Variants in PTPRT observed in about 807,000 individuals in gnomAD.
PTPRT encodes receptor-type tyrosine-protein phosphatase T.
In PTPRT, 56 loss-of-function variants were observed where a neutral mutation model predicts 176.8. The ratio of observed to expected loss-of-function variants is 0.32; its 90% CI spans 0.26 to 0.40. The LOEUF (loss-of-function observed/expected upper bound fraction) is 0.40. Among genes scored for constraint, PTPRT ranks in the 10% least tolerant of loss-of-function variants. The probability of loss-of-function intolerance (pLI) is 1.00; values close to 1 mark genes in which losing one functional copy is unlikely to be tolerated. For synonymous variants in PTPRT, 783 were observed against 739.0 expected, an observed-to-expected ratio of 1.06 and a Z score of -0.96; for missense variants, 1,540 against 1,908.2, an observed-to-expected ratio of 0.81 and a Z score of 3.60.
chr20:42,604,373 G>A (rs1038000650), intron 7 of PTPRT, among the ~76,000 whole-genome samples: 1 of 152,166 alleles, frequency 6.6e-6, no homozygotes, highest in Non-Finnish European at 1.5e-5. Context: ...AGATGGTGGG[G>A]CCATGCGATC....
intron 1 of PTPRT, among the ~76,000 whole-genome samples, chr20:43,160,408 G>T (rs549746703): frequency 6.6e-6 from 1 of 152,320 alleles, no homozygotes; most frequent in East Asian, 1.9e-4. Flanking sequence ...CATCCAAAGA[G>T]GTGCTTGCTG....
intron 22 of PTPRT, 106 bp from the exon 23 acceptor site, chr20:42,110,593 A>G (rs1484090209): frequency 1.6e-6 from 2 of 1,256,998 alleles, no homozygotes; most frequent in African/African-American, 1.5e-5. Context: ...CCGCAGGGAC[A>G]GGGCCCTCAC....
intron 11 of PTPRT, among the ~76,000 whole-genome samples, chr20:42,321,938 T>G (rs2057804116): frequency 6.6e-6 from 1 of 152,032 alleles, no homozygotes; most frequent in Non-Finnish European, 1.5e-5. Flanking sequence ...CCAGGCGCAG[T>G]GGTGGGCGCC....
intron 8 of PTPRT, among the ~76,000 whole-genome samples, chr20:42,451,421 G>C (rs2070824654): frequency 6.6e-6 from 1 of 152,160 alleles, no homozygotes; most frequent in African/African-American, 2.4e-5. Flanking sequence ...TGGCAATGCT[G>C]AGTAGCAGTT....
At chr20:42,923,074 C>A (rs1600560324) in intron 1 of PTPRT, among the ~76,000 whole-genome samples, 1 of 152,140 alleles carries the variant, frequency 6.6e-6, no homozygotes, top group Non-Finnish European at 1.5e-5. Flanking sequence ...GGCCCTTCAG[C>A]ACTCCACCCC....
At chr20:42,382,114 C>T (rs1302685220) in intron 9 of PTPRT, among the ~76,000 whole-genome samples, 1 of 152,164 alleles carries the variant, frequency 6.6e-6, no homozygotes, top group Non-Finnish European at 1.5e-5. Context: ...AAGCTTTGCA[C>T]CCCATTTACA....
Position 43,189,854 on chromosome 20 carries a change from CG to C in PTPRT, c.-122del. 3.1e-6 allele frequency: 1 copy of C among 325,992 alleles called. No homozygotes were observed. The highest frequency in any genetic ancestry group is 4.3e-6 in the Non-Finnish European group (1 of 233,954). The allele number at this position is 325,992 out of a possible 1,614,324, so 20.2% of individuals were successfully genotyped here. ...GGCTGTGCGCGCGGCTGGCTCCGCTCGGGCTCCCGGAGCCGGCGCTCCTGCG... is the reference window on the plus strand; with the variant it reads ...GGCTGTGCGCGCGGCTGGCTCCGCTCGGCTCCCGGAGCCGGCGCTCCTGCG... On this transcript the variant is annotated 5_prime_UTR_variant, in exon 1 of 31. Coordinates refer to ENST00000373187, the MANE Select transcript of PTPRT (RefSeq NM_007050.6). This position sits in a 1 kb window ranked among gnomAD's most constrained non-coding sequence, Gnocchi z 5.0.
At chr20:42,407,562 T>C (rs1052755947) in intron 9 of PTPRT, among the ~76,000 whole-genome samples, 1 of 152,186 alleles carries the variant, frequency 6.6e-6, no homozygotes, top group Non-Finnish European at 1.5e-5. Context: ...GAACCCCTTA[T>C]TAAGGGGCAA....
intron 7 of PTPRT, among the ~76,000 whole-genome samples, chr20:42,634,497 C>T (rs1421241469): frequency 6.6e-6 from 1 of 151,746 alleles, no homozygotes; most frequent in Non-Finnish European, 1.5e-5. Flanking sequence ...ATAAAATGAA[C>T]TTCTATTGTG....
rs1016428591 is a variant in PTPRT at position 42,781,285 on chromosome 20, A to G, written c.487-986T>C. Among the ~76,000 whole-genome samples, 9 of 152,108 alleles carry G rather than the reference A, an allele frequency of 5.9e-5. No homozygotes were observed. The East Asian group carries it at 7.7e-4, about 13-fold the overall frequency. On this transcript the variant is annotated intron_variant, in intron 3 of 30. Transcript: ENST00000373187. Reference sequence around the variant, plus strand: ...TTCAACTTTGCCCAGCCTATAACACATTTGCCTTCTCCAATCCTGTACCTT... The same window carrying G: ...TTCAACTTTGCCCAGCCTATAACACGTTTGCCTTCTCCAATCCTGTACCTT...
At chr20:42,464,081 T>A (rs957103282) in intron 8 of PTPRT, among the ~76,000 whole-genome samples, 2 of 152,148 alleles carry the variant, frequency 1.3e-5, no homozygotes, top group African/African-American at 4.8e-5. Flanking sequence ...GTGGTACTAC[T>A]GAACTTGGAG....
intron 11 of PTPRT, among the ~76,000 whole-genome samples, chr20:42,336,975 T>G (rs968011777): frequency 6.6e-6 from 1 of 152,164 alleles, no homozygotes; most frequent in Non-Finnish European, 1.5e-5. Context: ...TCCAGAGTCC[T>G]TAATAGGGGG....
chr20:43,187,752 T>C (rs1471160383), intron 1 of PTPRT, among the ~76,000 whole-genome samples: 6 of 152,226 alleles, frequency 3.9e-5, no homozygotes, highest in Admixed American at 3.9e-4. Flanking sequence ...TTCTTTTCTT[T>C]CTCCTGCATT....
chr20:43,078,687 C>T (rs979377033), intron 1 of PTPRT, among the ~76,000 whole-genome samples: 2 of 152,180 alleles, frequency 1.3e-5, no homozygotes, highest in African/African-American at 2.4e-5. Flanking sequence ...TACAACATGC[C>T]ATGGCAGCAT....
chr20:43,166,274 T>G (rs2014856504), intron 1 of PTPRT, among the ~76,000 whole-genome samples: 1 of 150,546 alleles, frequency 6.6e-6, no homozygotes. Context: ...TTGCAGTGAG[T>G]CGAGATTGTG....
chr20:42,807,962 G>C (rs938094386), intron 2 of PTPRT, among the ~76,000 whole-genome samples: 2 of 152,168 alleles, frequency 1.3e-5, no homozygotes, highest in Non-Finnish European at 2.9e-5. Flanking sequence ...CCAGCTGCCA[G>C]GGCACTTAGG....
chr20:42,794,454 G>A (rs190375409), intron 2 of PTPRT, among the ~76,000 whole-genome samples: 323 of 152,240 alleles, frequency 2.1e-3, no homozygotes, highest in Non-Finnish European at 3.4e-3. Flanking sequence ...AGTTTATCAG[G>A]ATCCCCAGGT....
intron 1 of PTPRT, chr20:42,968,781 G>A (rs779612502): frequency 6.6e-6 from 1 of 152,188 alleles, no homozygotes; most frequent in African/African-American, 2.4e-5. Flanking sequence ...GGCAGGCCAG[G>A]GCACCAGGGC....
intron 7 of PTPRT, among the ~76,000 whole-genome samples, chr20:42,483,590 T>C (rs1358863889): frequency 6.6e-6 from 1 of 152,164 alleles, no homozygotes; most frequent in African/African-American, 2.4e-5. Flanking sequence ...TAAAATTGGG[T>C]CCAATCAGGG....
Sources: allele counts gnomAD v4.1 joint callset (sites outside exome capture counted in the v4.1 genomes callset), GRCh38; gene constraint gnomAD v4.1.1; non-coding constraint Gnocchi (gnomAD v3.1); transcripts MANE v1.5; gene names NCBI Gene and HGNC (gene_info 2026-07-23, HGNC 2026-07-21).